The following LRRTM4 variants were observed in gnomAD, a reference collection of about 807,000 sequenced individuals.
LRRTM4 encodes leucine rich repeat transmembrane neuronal 4, also known as leucine-rich repeat transmembrane neuronal protein 4.
LRRTM4 carries 25 observed loss-of-function variants against 47.6 expected under a neutral mutation model. The ratio of observed to expected loss-of-function variants is 0.53; its 90% CI spans 0.38 to 0.73. LRRTM4 has a LOEUF of 0.73. Among genes scored for constraint, LRRTM4 ranks in the 30% least tolerant of loss-of-function variants. LRRTM4 has a pLI of 0.00. For synonymous variants in LRRTM4, 311 were observed against 269.5 expected, an observed-to-expected ratio of 1.15 and a Z score of -1.51; for missense variants, 638 against 713.4, an observed-to-expected ratio of 0.89 and a Z score of 1.20.
chr2:77,372,854 G>T (rs1289297848), intron 3 of LRRTM4, among the ~76,000 whole-genome samples: 1 of 151,010 alleles, frequency 6.6e-6, no homozygotes, highest in Non-Finnish European at 1.5e-5. Flanking sequence ...TCAGAGTTCA[G>T]AAGAAAATTC....
intron 3 of LRRTM4, among the ~76,000 whole-genome samples, chr2:77,089,088 G>C (rs1680832704): frequency 1.3e-5 from 2 of 152,092 alleles, no homozygotes; most frequent in African/African-American, 4.8e-5. Flanking sequence ...AAGGGTGTCA[G>C]ACCACACAAG....
At chr2:77,464,744 A>T (rs1676919722) in intron 3 of LRRTM4, among the ~76,000 whole-genome samples, 1 of 152,142 alleles carries the variant, frequency 6.6e-6, no homozygotes, top group Non-Finnish European at 1.5e-5. Flanking sequence ...TTGCCTCTGA[A>T]AATGTAGCCA....
At chr2:77,277,587 T>C (rs2104089997) in intron 3 of LRRTM4, among the ~76,000 whole-genome samples, 1 of 152,194 alleles carries the variant, frequency 6.6e-6, no homozygotes, top group African/African-American at 2.4e-5. Context: ...AGTTTGATTA[T>C]TTGAACCTAA....
At chr2:76,873,819 GTACT>G (rs1423097431) in intron 3 of LRRTM4, among the ~76,000 whole-genome samples, 1 of 151,612 alleles carries the variant, frequency 6.6e-6, no homozygotes, top group Non-Finnish European at 1.5e-5. Flanking sequence ...TGATGCTAAT[GTACT>G]TAAACACAGG....
chr2:77,519,772 C>G lies in LRRTM4; in HGVS notation c.97G>C (p.Ala33Pro), dbSNP rs745963854. The G allele has an allele frequency of 1.1e-5, 18 of 1,613,210 alleles. No homozygotes were observed. Among genetic ancestry groups the G allele is most frequent in the Non-Finnish European group, 1.4e-5 (17 of 1,179,518 alleles). ...TCACATCTGCAGTTCTTTGGGCAAG[C>G]TCTCTGAGCACCCGTGAGCATAACA... Reference protein sequence around the residue: ...LLVMLTGAQRACPKNCRCDGK... With the variant: ...LLVMLTGAQRPCPKNCRCDGK... Residue 33 changes from alanine (A) to proline (P), a missense_variant, in exon 3 of 4, where the codon GCT (alanine) becomes CCT (proline). Ala to Pro is a conservative substitution (Grantham distance 27, BLOSUM62 -1). Transcript: ENST00000409884. The surrounding 1 kb of genome is among the most constrained non-coding windows in gnomAD (Gnocchi z 4.6).
At chr2:76,946,960 T>C (rs1175492020) in intron 3 of LRRTM4, among the ~76,000 whole-genome samples, 1 of 151,900 alleles carries the variant, frequency 6.6e-6, no homozygotes, top group Non-Finnish European at 1.5e-5. Flanking sequence ...GTTCCTTTGT[T>C]TGAAAACATT....
chr2:77,213,803 G>A (rs942400729), intron 3 of LRRTM4, among the ~76,000 whole-genome samples: 3 of 152,038 alleles, frequency 2.0e-5, no homozygotes, highest in African/African-American at 7.2e-5. Context: ...GCCTTGGGAC[G>A]GTGTAATTGA....
chr2:76,883,407 A>G (rs1167639630), intron 3 of LRRTM4, among the ~76,000 whole-genome samples: 2 of 152,176 alleles, frequency 1.3e-5, no homozygotes, highest in African/African-American at 2.4e-5. Context: ...TGAGTTCTAC[A>G]CTTCACCTTT....
chr2:77,415,669 G>C (rs1553441602), intron 3 of LRRTM4, among the ~76,000 whole-genome samples: 1 of 151,722 alleles, frequency 6.6e-6, no homozygotes, highest in Non-Finnish European at 1.5e-5. Flanking sequence ...TTTTTTCCAG[G>C]AGTCTCCTCT....
At chr2:77,187,113 A>G (rs1351488660) in intron 3 of LRRTM4, among the ~76,000 whole-genome samples, 1 of 152,054 alleles carries the variant, frequency 6.6e-6, no homozygotes, top group African/African-American at 2.4e-5. Context: ...TTTTTCTACA[A>G]CAGGGCCACC....
intron 3 of LRRTM4, among the ~76,000 whole-genome samples, chr2:76,883,985 T>G (rs992315518): frequency 1.0e-5 from 1 of 96,576 alleles, no homozygotes; most frequent in Non-Finnish European, 1.9e-5. Flanking sequence ...ACCCGGCTAA[T>G]TTTTTTTTTT....
At chr2:76,983,923 A>G (rs1316050681) in intron 3 of LRRTM4, among the ~76,000 whole-genome samples, 1 of 152,034 alleles carries the variant, frequency 6.6e-6, no homozygotes, top group African/African-American at 2.4e-5. Flanking sequence ...ACATGCACCT[A>G]TTTTTCATAT....
chr2:77,422,977 T>C (rs957193517), intron 3 of LRRTM4, among the ~76,000 whole-genome samples: 1 of 152,102 alleles, frequency 6.6e-6, no homozygotes, highest in Non-Finnish European at 1.5e-5. Flanking sequence ...CAACAAAATA[T>C]TCCATAACAT....
At chr2:77,013,911 T>C (rs1677962802) in intron 3 of LRRTM4, among the ~76,000 whole-genome samples, 1 of 152,214 alleles carries the variant, frequency 6.6e-6, no homozygotes. Context: ...CAGTTTCCTG[T>C]AGGTAAAATT....
intron 2 of LRRTM4, among the ~76,000 whole-genome samples, chr2:77,520,549 A>G (rs1679444379): frequency 6.6e-6 from 1 of 152,114 alleles, no homozygotes; most frequent in Non-Finnish European, 1.5e-5. Flanking sequence ...CCAACGATAC[A>G]GGAGCTAAGA....
At chr2:77,120,150 A>G (rs1671489222) in intron 3 of LRRTM4, among the ~76,000 whole-genome samples, 1 of 151,848 alleles carries the variant, frequency 6.6e-6, no homozygotes, top group South Asian at 2.1e-4. Context: ...AAGATTGGAA[A>G]ATGGTTTTTT....
In LRRTM4 at chr2:76,960,606, C is replaced by T. The variant is rs557915732; in HGVS notation, c.1552-211690G>A. On this transcript the variant is annotated intron_variant, in intron 3 of 3. Coordinates refer to ENST00000409884, the MANE Select transcript of LRRTM4 (RefSeq NM_001134745.3). ...AAACACATGCATGTGTGTGCACACA[C>T]ACATATTATTTTCAATATCACAGTC... 5.3e-5 allele frequency among the ~76,000 whole-genome samples: 8 copies of T among 151,300 alleles called. No individual in the cohort carries two copies. In the East Asian group the frequency reaches 1.4e-3, roughly 26 times the overall value.
At chr2:76,784,058 A>AAATT (rs1674539824) in intron 3 of LRRTM4, among the ~76,000 whole-genome samples, 1 of 152,088 alleles carries the variant, frequency 6.6e-6, no homozygotes, top group African/African-American at 2.4e-5. Flanking sequence ...TATTTTTGGA[A>AAATT]AATTATTTTT....
At chr2:77,428,204 AACC>A (rs1675200977) in intron 3 of LRRTM4, among the ~76,000 whole-genome samples, 1 of 152,172 alleles carries the variant, frequency 6.6e-6, no homozygotes. Flanking sequence ...GAGTCAATTA[AACC>A]TCTTTCCTTT....
Sources: allele counts gnomAD v4.1 joint callset (sites outside exome capture counted in the v4.1 genomes callset), GRCh38; gene constraint gnomAD v4.1.1; non-coding constraint Gnocchi (gnomAD v3.1); transcripts MANE v1.5; gene names NCBI Gene and HGNC (gene_info 2026-07-23, HGNC 2026-07-21).